The following SCMH1 variants were observed in gnomAD, a reference collection of about 807,000 sequenced individuals.
SCMH1 encodes Scm polycomb group protein homolog 1.
Under a neutral mutation model 70.8 loss-of-function variants are expected in SCMH1, and 37 were observed. That is an observed-to-expected ratio of 0.52 (90% confidence interval 0.40 to 0.69). The LOEUF (loss-of-function observed/expected upper bound fraction) is 0.69. Ranked by LOEUF, SCMH1 falls within the 30% of genes least tolerant of loss-of-function variation. The pLI is 0.00. For missense variants in SCMH1, 607 were observed against 827.3 expected, an observed-to-expected ratio of 0.73 and a Z score of 3.27; for synonymous variants, 292 against 307.4, an observed-to-expected ratio of 0.95 and a Z score of 0.52.
intron 10 of SCMH1, among the ~76,000 whole-genome samples, chr1:41,058,795 G>A (rs1651527146): frequency 6.6e-6 from 1 of 152,246 alleles, no homozygotes; most frequent in Admixed American, 6.5e-5. Context: ...TAATGTGAAT[G>A]TTTGAAGAGC....
intron 1 of SCMH1, among the ~76,000 whole-genome samples, chr1:41,208,401 A>G (rs369916957): frequency 1.4e-5 from 2 of 143,240 alleles, no homozygotes; most frequent in Middle Eastern, 3.2e-3. Flanking sequence ...CAATGTGCAC[A>G]TGTACCCTAA....
intron 10 of SCMH1, among the ~76,000 whole-genome samples, chr1:41,049,639 C>T (rs543596272): frequency 2.0e-5 from 3 of 150,594 alleles, no homozygotes; most frequent in East Asian, 3.9e-4. Flanking sequence ...TGGTGGTGGG[C>T]GCCTGTAATC....
At chr1:41,147,864 C>G (rs557574753) in intron 5 of SCMH1, among the ~76,000 whole-genome samples, 1 of 151,968 alleles carries the variant, frequency 6.6e-6, no homozygotes, top group Non-Finnish European at 1.5e-5. Context: ...TACTTTTAAC[C>G]TATTTAAAGC....
At chr1:41,096,715 C>T (rs186926257) in intron 8 of SCMH1, among the ~76,000 whole-genome samples, 1 of 150,648 alleles carries the variant, frequency 6.6e-6, no homozygotes, top group East Asian at 1.9e-4. Flanking sequence ...AAAGGGAATC[C>T]TGTTCTATGG....
chr1:41,200,900 G>A (rs1443777322), intron 1 of SCMH1, among the ~76,000 whole-genome samples: 2 of 151,636 alleles, frequency 1.3e-5, no homozygotes, highest in African/African-American at 4.8e-5. Flanking sequence ...ATGGCTTTGC[G>A]GACAGATAAG....
rs1174342183 is a variant in SCMH1 at position 41,075,468 on chromosome 1, C to T, written c.746-17G>A. The T allele has an allele frequency of 6.3e-7, 1 of 1,595,478 alleles. No homozygotes were observed. Among genetic ancestry groups the T allele is most frequent in the Non-Finnish European group, 8.6e-7 (1 of 1,163,488 alleles). ...GAATCACAACTGCAAGAAAAAGACT[C>T]ATTCTATCACCCTCCCTCCCCCCTG... On this transcript the variant is annotated splice_polypyrimidine_tract_variant and intron_variant, in intron 8 of 14. Coordinates refer to ENST00000337495, the Ensembl canonical transcript of SCMH1.
intron 8 of SCMH1, among the ~76,000 whole-genome samples, chr1:41,084,625 G>A (rs1469896072): frequency 6.6e-6 from 1 of 152,014 alleles, no homozygotes; most frequent in East Asian, 1.9e-4. Context: ...TCCCATTACT[G>A]GGTATATACC....
chr1:41,233,479 C>T (rs973052056), intron 1 of SCMH1, among the ~76,000 whole-genome samples: 2 of 151,980 alleles, frequency 1.3e-5, no homozygotes, highest in African/African-American at 2.4e-5. Flanking sequence ...AAAAGTCTTT[C>T]GATCATGTTA....
In SCMH1 at chr1:41,113,458, G is replaced by A. The variant is rs377356235; in HGVS notation, c.570C>T (p.Asn190=). 2 of 1,613,822 alleles carry A rather than the reference G, an allele frequency of 1.2e-6. No individual in the cohort carries two copies. Among genetic ancestry groups the A allele is most frequent in the African/African-American group, 2.7e-5 (2 of 74,848 alleles). The stretch of plus-strand genomic sequence containing the variant: ...TAGTGGCTGGGCAAATGAAATGAGG[G>A]TTCTTCCTGTCCACAGCTTCTAGCT... Residue 190 remains asparagine (N), a synonymous_variant, in exon 8 of 15, where the codon AAC becomes AAT. Coordinates refer to ENST00000337495, the Ensembl canonical transcript of SCMH1. This position sits in a 1 kb window ranked among gnomAD's most constrained non-coding sequence, Gnocchi z 4.3.
At chr1:41,175,599 A>ATTAT (rs1270464227) in intron 2 of SCMH1, among the ~76,000 whole-genome samples, 1 of 152,240 alleles carries the variant, frequency 6.6e-6, no homozygotes, top group Non-Finnish European at 1.5e-5. Flanking sequence ...AACATAAAAC[A>ATTAT]GATAAGGTCA....
chr1:41,037,755 T>C (rs1645510017), intron 12 of SCMH1, among the ~76,000 whole-genome samples: 1 of 152,168 alleles, frequency 6.6e-6, no homozygotes, highest in African/African-American at 2.4e-5. Context: ...AGAAATTCTT[T>C]CTCTTAGACT....
At chr1:41,124,955 G>A (rs1672818415) in intron 6 of SCMH1, among the ~76,000 whole-genome samples, 1 of 152,072 alleles carries the variant, frequency 6.6e-6, no homozygotes, top group Admixed American at 6.6e-5. Flanking sequence ...ATTTCTCATT[G>A]CAATACTGCA....
At chr1:41,066,375 G>A (rs1212970416) in intron 10 of SCMH1, among the ~76,000 whole-genome samples, 13 of 152,120 alleles carry the variant, frequency 8.5e-5, no homozygotes, top group Admixed American at 8.5e-4. Flanking sequence ...GTCACTTGCT[G>A]TTTCCTAGCC....
intron 4 of SCMH1, among the ~76,000 whole-genome samples, chr1:41,154,629 T>C (rs1315341707): frequency 1.3e-5 from 2 of 152,214 alleles, no homozygotes; most frequent in African/African-American, 4.8e-5. Flanking sequence ...TCTGTTATGA[T>C]AATGATAAAG....
chr1:41,238,001 TA>T (rs1204582098), intron 1 of SCMH1, among the ~76,000 whole-genome samples: 2 of 152,236 alleles, frequency 1.3e-5, no homozygotes, highest in African/African-American at 2.4e-5. Context: ...TGTGTGTATA[TA>T]TTTTTTCATG....
intron 6 of SCMH1, among the ~76,000 whole-genome samples, chr1:41,132,234 G>T (rs571850844): frequency 6.6e-6 from 1 of 152,152 alleles, no homozygotes; most frequent in East Asian, 1.9e-4. Context: ...TTTAATGATC[G>T]CCATTCTAAC....
chr1:41,121,108 T>C (rs1409173666), intron 6 of SCMH1, among the ~76,000 whole-genome samples: 2 of 152,160 alleles, frequency 1.3e-5, no homozygotes, highest in South Asian at 2.1e-4. Context: ...CTAGCTTCAG[T>C]TTCCTCAACA....
intron 8 of SCMH1, among the ~76,000 whole-genome samples, chr1:41,110,060 G>C (rs1668881325): frequency 6.6e-6 from 1 of 152,152 alleles, no homozygotes; most frequent in Non-Finnish European, 1.5e-5. Flanking sequence ...CTTCCACAGA[G>C]CTATTACCTC....
chr1:41,086,287 T>C (rs953578026), intron 8 of SCMH1, among the ~76,000 whole-genome samples: 3 of 152,062 alleles, frequency 2.0e-5, no homozygotes, highest in African/African-American at 7.2e-5. Flanking sequence ...GTAACTGACA[T>C]ACAAAACTCA....
Sources: allele counts gnomAD v4.1 joint callset (sites outside exome capture counted in the v4.1 genomes callset), GRCh38; gene constraint gnomAD v4.1.1; non-coding constraint Gnocchi (gnomAD v3.1); transcripts MANE v1.5; gene names NCBI Gene and HGNC (gene_info 2026-07-23, HGNC 2026-07-21).